Variants in PHACTR2 observed in about 807,000 individuals in gnomAD.
PHACTR2 encodes phosphatase and actin regulator 2.
In PHACTR2, 30 loss-of-function variants were observed where a neutral mutation model predicts 76.0. The ratio of observed to expected loss-of-function variants is 0.39; its 90% CI spans 0.30 to 0.54. PHACTR2 has a LOEUF of 0.54. Among genes scored for constraint, PHACTR2 ranks in the 20% least tolerant of loss-of-function variants. PHACTR2 has a pLI of 0.61. For missense variants in PHACTR2, 696 were observed against 781.1 expected (o/e 0.89, Z 1.30); for synonymous variants, 292 against 292.5 (o/e 1.00, Z 0.02).
intron 1 of PHACTR2, among the ~76,000 whole-genome samples, chr6:143,690,758 A>G (rs1247685303): frequency 6.6e-6 from 1 of 152,238 alleles, no homozygotes; most frequent in Non-Finnish European, 1.5e-5. Context: ...TGGTCTAAAA[A>G]ATATTTTATG....
At chr6:143,590,625 C>T (rs151129641) in intron 1 of PHACTR2, among the ~76,000 whole-genome samples, 1 of 151,870 alleles carries the variant, frequency 6.6e-6, no homozygotes, top group Admixed American at 6.6e-5. Flanking sequence ...CAAATGAACA[C>T]CATTCAGTGC....
At chr6:143,721,644 T>TGTGTGTGTGTCTGG (rs1474868266) in intron 2 of PHACTR2, among the ~76,000 whole-genome samples, 3 of 152,138 alleles carry the variant, frequency 2.0e-5, no homozygotes, top group African/African-American at 7.2e-5. Flanking sequence ...CTGATGTGTG[T>TGTGTGTGTGTCTGG]GTGTGTGTGT....
In PHACTR2 at chr6:143,757,958, T is replaced by TGC. The variant is rs143317266; in HGVS notation, c.455-2438_455-2437dup. ...CCCTGCGTGTGTGTGCATGCACACG[T>TGC]GCGCGCACACACACACACACACACA... On this transcript the variant is annotated intron_variant, in intron 4 of 12. Coordinates refer to ENST00000440869, the MANE Select transcript of PHACTR2 (RefSeq NM_001100164.2). The surrounding 1 kb of genome is among the most constrained non-coding windows in gnomAD (Gnocchi z 4.2). Among the ~76,000 whole-genome samples the TGC allele has an allele frequency of 2.9e-3, 401 of 139,592 alleles. 3 individuals are homozygous for TGC. Among genetic ancestry groups the TGC allele is most frequent in the African/African-American group, 9.7e-3 (374 of 38,504 alleles). The allele number at this position is 139,592 out of a possible 152,430, so 91.6% of individuals were successfully genotyped here.
intron 11 of PHACTR2, among the ~76,000 whole-genome samples, chr6:143,805,222 G>A (rs564380053): frequency 1.1e-4 from 16 of 152,192 alleles, no homozygotes; most frequent in Non-Finnish European, 1.8e-4. Context: ...GCTCATGCCT[G>A]TAATCCCAGC....
intron 1 of PHACTR2, among the ~76,000 whole-genome samples, chr6:143,565,591 C>T (rs1441808792): frequency 5.4e-5 from 7 of 130,696 alleles, no homozygotes; most frequent in Non-Finnish European, 1.1e-4. Context: ...GGTGACAGAG[C>T]GAGACTCCGT....
chr6:143,759,104 C>T (rs1313026086), intron 4 of PHACTR2, among the ~76,000 whole-genome samples: 1 of 152,118 alleles, frequency 6.6e-6, no homozygotes, highest in Non-Finnish European at 1.5e-5. Context: ...TAATTCTCAT[C>T]AGCCACTATT....
chr6:143,703,239 G>A (rs1777959061), intron 1 of PHACTR2, among the ~76,000 whole-genome samples: 1 of 151,834 alleles, frequency 6.6e-6, no homozygotes, highest in African/African-American at 2.4e-5. Context: ...GGGGAATAGA[G>A]GTGAGAGGGT....
Position 143,680,603 on chromosome 6 carries a change from AT to A in PHACTR2, c.46+2400del, listed in dbSNP as rs1777369891. 6.6e-6 allele frequency among the ~76,000 whole-genome samples: 1 copy of A among 152,118 alleles called. No homozygotes were observed. On this transcript the variant is annotated intron_variant, in intron 1 of 12. Transcript: ENST00000440869. The surrounding 1 kb of genome is among the most constrained non-coding windows in gnomAD (Gnocchi z 4.5). ...CTGGGTTCTAGGAAGACCATTAATA[AT>A]TTTTTCTGAAAATATGCAGTTAGAT... is the stretch of plus-strand genomic sequence containing the variant.
chr6:143,808,920 C>T (rs560079788), intron 12 of PHACTR2, among the ~76,000 whole-genome samples: 1 of 152,282 alleles, frequency 6.6e-6, no homozygotes, highest in Non-Finnish European at 1.5e-5. Flanking sequence ...TAAAATGTGA[C>T]ACCTGTAGTT....
chr6:143,666,653 T>C (rs10016169), intron 1 of PHACTR2, among the ~76,000 whole-genome samples: 2 of 152,254 alleles, frequency 1.3e-5, no homozygotes, highest in Non-Finnish European at 2.9e-5. Flanking sequence ...CTTCCATATG[T>C]TTGTTGGCCG....
rs990583134 is a variant in PHACTR2, at chr6:143,616,628, G to A, written c.13+8306G>A. 2.6e-5 allele frequency among the ~76,000 whole-genome samples: 4 copies of A among 152,170 alleles called. No homozygotes were observed. The highest frequency in any genetic ancestry group is 4.8e-5 in the African/African-American group (2 of 41,418). On this transcript the variant is annotated intron_variant, in intron 1 of 11. Coordinates refer to the PHACTR2 transcript ENST00000305766. The surrounding 1 kb of genome is among the most constrained non-coding windows in gnomAD (Gnocchi z 4.9). ...TAGTGTGGATATGAGAGAATGAAAC[G>A]GAGCTTCTGTCAGCATGCTCCTTCC...
intron 1 of PHACTR2, among the ~76,000 whole-genome samples, chr6:143,565,222 C>A (rs1032799614): frequency 2.6e-5 from 4 of 152,158 alleles, no homozygotes; most frequent in Non-Finnish European, 4.4e-5. Context: ...TCTCTCTGCT[C>A]AGATACAGAA....
chr6:143,721,193 A>T (rs2128463317), intron 2 of PHACTR2, among the ~76,000 whole-genome samples: 1 of 152,284 alleles, frequency 6.6e-6, no homozygotes, highest in Admixed American at 6.5e-5. Flanking sequence ...TGCCTTTCTA[A>T]GTTGAAATAA....
chr6:143,771,220 A>ATATATATATACATATATATATATATG (rs1775125959), intron 6 of PHACTR2, among the ~76,000 whole-genome samples: 1 of 101,530 alleles, frequency 9.8e-6, no homozygotes, highest in African/African-American at 4.4e-5. Flanking sequence ...ATATATATAT[A>ATATATATATACATATATATATATATG]TATATATATA....
chr6:143,550,170 GA>G lies in PHACTR2; in HGVS notation c.217+12964del, dbSNP rs1775073417. 6.6e-6 allele frequency among the ~76,000 whole-genome samples: 1 copy of G among 152,002 alleles called. No individual in the cohort carries two copies. The highest frequency in any genetic ancestry group is 1.5e-5 in the Non-Finnish European group (1 of 67,952). On this transcript the variant is annotated intron_variant, in intron 1 of 11. Transcript: ENST00000367584. The surrounding 1 kb of genome is among the most constrained non-coding windows in gnomAD (Gnocchi z 4.8). Reference sequence around the variant, plus strand: ...TGTAGCATTTCTCATATCTAATGTAGACTTTCTCATACACATTCTAACATAG... The same window carrying G: ...TGTAGCATTTCTCATATCTAATGTAGCTTTCTCATACACATTCTAACATAG...
At position 143,808,320 on chromosome 6, in the gene PHACTR2, G is replaced by T. The variant is rs534085371; in HGVS notation, c.1922+1187G>T. On this transcript the variant is annotated intron_variant, in intron 12 of 12. Coordinates refer to ENST00000440869, the MANE Select transcript of PHACTR2 (RefSeq NM_001100164.2). ...ATTTTTGTATTAATAGCAGAGACAG[G>T]GTTTCACCATGTTGGTCCAGCTGGT... Among the ~76,000 whole-genome samples, 9 of 151,830 alleles carry T rather than the reference G, an allele frequency of 5.9e-5. No individual in the cohort carries two copies. The East Asian group carries it at 1.7e-3, about 29-fold the overall frequency.
rs1778894438 is a variant in PHACTR2, at chr6:143,739,472, C to T, written c.215-9513C>T. Among the ~76,000 whole-genome samples the T allele has an allele frequency of 6.6e-6, 1 of 152,194 alleles. No homozygotes were observed. Among genetic ancestry groups the T allele is most frequent in the Non-Finnish European group, 1.5e-5 (1 of 68,038 alleles). ...TATTCGTATTTCAAACATTGGTCCCCTCTGTGGTGTCACTGTGTCTTAGGT... is the reference window on the plus strand; with the variant it reads ...TATTCGTATTTCAAACATTGGTCCCTTCTGTGGTGTCACTGTGTCTTAGGT... On this transcript the variant is annotated intron_variant, in intron 2 of 12. Coordinates refer to ENST00000440869, the MANE Select transcript of PHACTR2 (RefSeq NM_001100164.2). The surrounding 1 kb of genome is among the most constrained non-coding windows in gnomAD (Gnocchi z 4.3).
intron 6 of PHACTR2, among the ~76,000 whole-genome samples, chr6:143,770,352 A>G (rs1233352561): frequency 2.6e-5 from 4 of 152,182 alleles, no homozygotes; most frequent in Non-Finnish European, 5.9e-5. Context: ...GCTGGGAGAT[A>G]ATGGTTATGG....
chr6:143,769,578 A>G (rs755220230), intron 6 of PHACTR2, among the ~76,000 whole-genome samples: 18 of 152,128 alleles, frequency 1.2e-4, no homozygotes, highest in South Asian at 1.0e-3. Context: ...TCCATGAACT[A>G]TAAGTTATCT....
Sources: gnomAD v4.1 joint callset for allele counts (sites outside exome capture counted in the v4.1 genomes callset) on GRCh38, gnomAD v4.1.1 for gene constraint, Gnocchi (gnomAD v3.1) non-coding constraint, MANE v1.5 for transcripts, NCBI Gene and HGNC (gene_info 2026-07-23, HGNC 2026-07-21) for gene names.